SLC16A7: variants seen among roughly 807,000 people sequenced by gnomAD.
The protein encoded by SLC16A7 is solute carrier family 16 member 7.
A neutral mutation model predicts 34.9 loss-of-function variants in SLC16A7; 33 were observed. That is an observed-to-expected ratio of 0.94 (90% CI 0.72 to 1.26). The LOEUF (loss-of-function observed/expected upper bound fraction) is 1.26, where lower values mean the gene tolerates loss of function less well. SLC16A7 is among the 50% of genes most tolerant of loss of function. The probability of loss-of-function intolerance (pLI) is 0.00; values close to 1 mark genes in which losing one functional copy is unlikely to be tolerated. For synonymous variants in SLC16A7, 201 were observed against 206.6 expected, an observed-to-expected ratio of 0.97 and a Z score of 0.23; for missense variants, 573 against 578.1, an observed-to-expected ratio of 0.99 and a Z score of 0.09.
chr12:59,747,607 G>C (rs1879031583), intron 3 of SLC16A7, among the ~76,000 whole-genome samples: 1 of 152,168 alleles, frequency 6.6e-6, no homozygotes, highest in Non-Finnish European at 1.5e-5. Flanking sequence ...AAGTGAAAGG[G>C]TGCAATTGTC....
At chr12:59,599,323 A>G (rs1030214400) in intron 1 of SLC16A7, among the ~76,000 whole-genome samples, 3 of 152,062 alleles carry the variant, frequency 2.0e-5, no homozygotes, top group Admixed American at 6.5e-5. Flanking sequence ...TGAGAACACA[A>G]TAGTTGAGGC....
chr12:59,621,672 T>A (rs866555288), intron 1 of SLC16A7, among the ~76,000 whole-genome samples: 29 of 151,970 alleles, frequency 1.9e-4, no homozygotes, highest in South Asian at 4.1e-4. Flanking sequence ...CAAACATTAT[T>A]TTTTAACATT....
At chr12:59,617,372 C>G (rs1190565088) in intron 1 of SLC16A7, among the ~76,000 whole-genome samples, 1 of 151,862 alleles carries the variant, frequency 6.6e-6, no homozygotes, top group Non-Finnish European at 1.5e-5. Flanking sequence ...AATTTTCAAG[C>G]TTATGTGATT....
At chr12:59,740,209 A>C (rs1448513864) in intron 3 of SLC16A7, among the ~76,000 whole-genome samples, 27 of 151,630 alleles carry the variant, frequency 1.8e-4, no homozygotes, top group Non-Finnish European at 8.8e-5. Context: ...TCCATCTTGA[A>C]TTAATTTTTG....
At chr12:59,600,608 G>A (rs1055630224) in intron 1 of SLC16A7, among the ~76,000 whole-genome samples, 6 of 152,234 alleles carry the variant, frequency 3.9e-5, no homozygotes, top group Middle Eastern at 3.4e-3. Context: ...GACCATTGTC[G>A]AGAGGAATAA....
In SLC16A7 at chr12:59,757,750, C is replaced by T. The variant is rs550506362; in HGVS notation, c.218-13469C>T. Among the ~76,000 whole-genome samples, 234 of 152,166 alleles carry T rather than the reference C, an allele frequency of 1.5e-3. 1 individual carries two copies. The highest frequency in any genetic ancestry group is 4.7e-3 in the African/African-American group (195 of 41,528). On this transcript the variant is annotated intron_variant, in intron 3 of 5. Transcript: ENST00000547379. ...CCAACTTCTCCTCTTCCTCCTCCTC[C>T]TCAGCCTACTTAACGTGAAGATAAT...
intron 3 of SLC16A7, among the ~76,000 whole-genome samples, chr12:59,743,830 A>C (rs1321745165): frequency 6.6e-6 from 1 of 152,200 alleles, no homozygotes; most frequent in Non-Finnish European, 1.5e-5. Flanking sequence ...CTTAGATTCA[A>C]AGCCTGGCTC....
intron 3 of SLC16A7, among the ~76,000 whole-genome samples, chr12:59,726,451 A>G (rs767016567): frequency 2.2e-4 from 33 of 152,204 alleles, no homozygotes; most frequent in Non-Finnish European, 4.4e-4. Flanking sequence ...AGGGTAAAAG[A>G]GAAAGAAGGG....
chr12:59,643,581 TG>T lies in SLC16A7; in HGVS notation c.-129-11569del, dbSNP rs541376551. ...TTTTGATAAATGCTATGAAGAAAACTGGAGTGCCTTTTATTAAGCAGATTAC... is the reference window on the plus strand; with the variant it reads ...TTTTGATAAATGCTATGAAGAAAACTGAGTGCCTTTTATTAAGCAGATTAC... On this transcript the variant is annotated intron_variant, in intron 1 of 5. Coordinates refer to ENST00000547379, the MANE Select transcript of SLC16A7 (RefSeq NM_001270623.2). Among the ~76,000 whole-genome samples the T allele has an allele frequency of 1.4e-4, 22 of 152,288 alleles. No individual in the cohort carries two copies. The East Asian group carries it at 3.9e-3, about 27-fold the overall frequency.
intron 2 of SLC16A7, among the ~76,000 whole-genome samples, chr12:59,673,086 T>C (rs1022369733): frequency 3.9e-5 from 6 of 152,198 alleles, no homozygotes; most frequent in Admixed American, 2.6e-4. Flanking sequence ...AATGTCTCAT[T>C]TCCATCGCCT....
At position 59,596,161 on chromosome 12, in the gene SLC16A7, A is replaced by G. The variant is rs1442989844; in HGVS notation, c.-205A>G. On this transcript the variant is annotated 5_prime_UTR_variant, in exon 1 of 6. Transcript: ENST00000547379. The surrounding 1 kb of genome is among the most constrained non-coding windows in gnomAD (Gnocchi z 5.0). ...AATAAATAATTCCATTCACCCGTTG[A>G]CAGCGAGGCGAATCGGCTGCGGTTT... The G allele has an allele frequency of 7.2e-5, 11 of 152,480 alleles. No individual in the cohort carries two copies. In the East Asian group the frequency reaches 1.9e-3, roughly 27 times the overall value. The allele number at this position is 152,480 out of a possible 1,614,324, so 9.4% of individuals were successfully genotyped here. A position where few individuals can be genotyped will look rare whatever the true frequency, so the allele number is the denominator to read the frequency against.
intron 3 of SLC16A7, among the ~76,000 whole-genome samples, chr12:59,758,976 C>T (rs1201981998): frequency 3.3e-5 from 5 of 151,794 alleles, no homozygotes; most frequent in African/African-American, 4.8e-5. Flanking sequence ...TATTTTGGGT[C>T]AATCATTAGT....
In SLC16A7 at chr12:59,704,835, C is replaced by A. The variant is rs767301454; in HGVS notation, c.34C>A (p.Pro12Thr). 1.4e-5 allele frequency: 22 copies of A among 1,613,650 alleles called. No individual in the cohort carries two copies. In the South Asian group the frequency reaches 2.1e-4, roughly 15 times the overall value. ...AATGCCAAGTGCCCCACCTGTGCAT[C>A]CACCTCCAGATGGAGGATGGGGTTG... Reference protein sequence around the residue: ...PPMPSAPPVHPPPDGGWGWIV... With the variant: ...PPMPSAPPVHTPPDGGWGWIV... The change falls in exon 3 of 6, where the codon CCA (proline) becomes ACA (threonine). Residue 12 changes from proline to threonine, a missense_variant. Transcript: ENST00000547379.
At chr12:59,725,465 G>T (rs932551272) in intron 3 of SLC16A7, among the ~76,000 whole-genome samples, 7 of 151,924 alleles carry the variant, frequency 4.6e-5, no homozygotes, top group African/African-American at 1.7e-4. Context: ...ATCCTTGTTA[G>T]GTCAGTCTCC....
chr12:59,736,482 T>A (rs1252028871), intron 3 of SLC16A7, among the ~76,000 whole-genome samples: 2 of 152,164 alleles, frequency 1.3e-5, no homozygotes, highest in Non-Finnish European at 2.9e-5. Context: ...GAGCTAATTT[T>A]CACTTTGGTC....
At chr12:59,768,504 A>G (rs1565711235) in intron 3 of SLC16A7, among the ~76,000 whole-genome samples, 1 of 152,172 alleles carries the variant, frequency 6.6e-6, no homozygotes, top group Non-Finnish European at 1.5e-5. Context: ...TGCTGTATAT[A>G]TTGTTGATAT....
intron 1 of SLC16A7, among the ~76,000 whole-genome samples, chr12:59,618,705 T>G (rs1879567665): frequency 6.6e-6 from 1 of 151,982 alleles, no homozygotes; most frequent in Admixed American, 6.6e-5. Context: ...CAATAGTTGT[T>G]CTGGTAATAA....
At chr12:59,696,014 C>T (rs1441232470) in intron 2 of SLC16A7, among the ~76,000 whole-genome samples, 1 of 151,690 alleles carries the variant, frequency 6.6e-6, no homozygotes, top group East Asian at 1.9e-4. Context: ...TTTTTATTTT[C>T]ATTGTCAGTG....
At position 59,786,581 on chromosome 12, in the gene SLC16A7, G is replaced by C. The variant is rs1251710525; in HGVS notation, c.*6902G>C. The C allele has an allele frequency of 6.6e-6, 1 of 152,072 alleles. No homozygotes were observed. The highest frequency in any genetic ancestry group is 2.4e-5 in the African/African-American group (1 of 41,418). The allele number at this position is 152,072 out of a possible 1,614,324, so 9.4% of individuals were successfully genotyped here. On this transcript the variant is annotated 3_prime_UTR_variant, in exon 6 of 6. Coordinates refer to ENST00000547379, the MANE Select transcript of SLC16A7 (RefSeq NM_001270623.2). ...TTAAAATATTTATTTCTAAACATTA[G>C]ATCTAATTGTATTTTGATTTGTTTT...
Sources: gnomAD v4.1 joint callset for allele counts (sites outside exome capture counted in the v4.1 genomes callset) on GRCh38, gnomAD v4.1.1 for gene constraint, Gnocchi (gnomAD v3.1) non-coding constraint, MANE v1.5 for transcripts, NCBI Gene and HGNC (gene_info 2026-07-23, HGNC 2026-07-21) for gene names.